Variants in ADAMTS4 observed in about 807,000 individuals in gnomAD.
ADAMTS4 encodes ADAM metallopeptidase with thrombospondin type 1 motif 4.
A neutral mutation model predicts 66.7 loss-of-function variants in ADAMTS4; 38 were observed. That is an observed-to-expected ratio of 0.57 (90% CI 0.44 to 0.75). The LOEUF is 0.75. ADAMTS4 is among the 30% of genes least tolerant of loss of function. The probability of loss-of-function intolerance (pLI) is 0.00; values close to 1 mark genes in which losing one functional copy is unlikely to be tolerated. For synonymous variants in ADAMTS4, 418 were observed against 461.5 expected, an observed-to-expected ratio of 0.91 and a Z score of 1.21; for missense variants, 1,014 against 1,116.7, an observed-to-expected ratio of 0.91 and a Z score of 1.31.
chr1:161,190,975 A>G lies in ADAMTS4; in HGVS notation c.*163T>C. The G allele has an allele frequency of 1.3e-6, 1 of 783,296 alleles. No individual in the cohort carries two copies. Among genetic ancestry groups the G allele is most frequent in the Non-Finnish European group, 1.9e-6 (1 of 522,388 alleles). The allele number at this position is 783,296 out of a possible 1,614,324, so 48.5% of individuals were successfully genotyped here. A position where few individuals can be genotyped will look rare whatever the true frequency, so the allele number is the denominator to read the frequency against. ...TCACTGCCTCCCAGGGCAGGAAACC[A>G]GGGCAGGGCCAGCCTGCGCATTAGG... On this transcript the variant is annotated 3_prime_UTR_variant, in exon 9 of 9. Transcript: ENST00000367996.
In ADAMTS4 at chr1:161,192,159, T is replaced by G. The variant is rs771753545; in HGVS notation, c.1993A>C (p.Ile665Leu). Reference sequence around the variant, plus strand: ...TCAAACTTCTTCTTGGAGCCAATGATGCGATCACAGCCAGCATGGATGCAT... The same window carrying G: ...TCAAACTTCTTCTTGGAGCCAATGAGGCGATCACAGCCAGCATGGATGCAT... ...GRCIHAGCDR[I>L]IGSKKKFDKC... The change falls in exon 8 of 9, where the codon ATC becomes CTC. Residue 665 changes from isoleucine (I) to leucine (L), a missense_variant. Transcript: ENST00000367996. 3.1e-6 allele frequency: 5 copies of G among 1,614,002 alleles called. No individual in the cohort carries two copies. Among genetic ancestry groups the G allele is most frequent in the Middle Eastern group, 1.6e-4 (1 of 6,084 alleles).
chr1:161,195,383 T>A (rs1229618894), intron 4 of ADAMTS4, 82 bp downstream of exon 4: 1 of 1,452,318 alleles, frequency 6.9e-7, no homozygotes, highest in Non-Finnish European at 9.3e-7. Flanking sequence ...ATTTGGTCCA[T>A]GCAGAATGCA....
At chr1:161,197,952 T>G (rs1188497191) in intron 1 of ADAMTS4, 43 bp downstream of exon 1, 1 of 1,520,714 alleles carries the variant, frequency 6.6e-7, no homozygotes, top group Non-Finnish European at 8.8e-7. Flanking sequence ...AGGACAGACA[T>G]GGCGGGAGGA....
chr1:161,194,576 A>G lies in ADAMTS4; in HGVS notation c.1262-355T>C, dbSNP rs998634151. On this transcript the variant is annotated intron_variant, in intron 4 of 8. Coordinates refer to ENST00000367996, the MANE Select transcript of ADAMTS4 (RefSeq NM_005099.6). The surrounding 1 kb of genome is among the most constrained non-coding windows in gnomAD (Gnocchi z 4.1). ...TAATTTTTTGGAATTTTTTGTAGTG[A>G]TAAGGTCTTGCTATGTTGTCCAGGC... 6.6e-6 allele frequency among the ~76,000 whole-genome samples: 1 copy of G among 152,004 alleles called. No individual in the cohort carries two copies. The highest frequency in any genetic ancestry group is 2.4e-5 in the African/African-American group (1 of 41,394).
At position 161,198,565 on chromosome 1, in the gene ADAMTS4, T is replaced by C. The variant is rs1277341157; in HGVS notation, c.63A>G (p.Gln21=). The change falls in exon 1 of 9, where the codon CAA becomes CAG. Residue 21 remains glutamine, a synonymous_variant. Transcript: ENST00000367996. The surrounding 1 kb of genome is among the most constrained non-coding windows in gnomAD (Gnocchi z 4.7). ...GLAGRWLWGA[Q]PCLLLPIVPL... is the part of the protein sequence containing the mutation. ...GCACAATGGGGAGCAGGAGGCAGGG[T>C]TGGGCTCCCCACAGCCAGCGCCCTG... 2 of 1,558,048 alleles carry C rather than the reference T, an allele frequency of 1.3e-6. No individual in the cohort carries two copies. Among genetic ancestry groups the C allele is most frequent in the Non-Finnish European group, 1.7e-6 (2 of 1,151,600 alleles).
At chr1:161,197,871 G>A (rs1664918482) in intron 1 of ADAMTS4, 124 bp downstream of exon 1, 26 of 1,403,172 alleles carry the variant, frequency 1.9e-5, no homozygotes, top group Non-Finnish European at 2.5e-5. Context: ...GAAAGGAAAG[G>A]CAGGCAGAAG....
Position 161,198,081 on chromosome 1 carries a change from G to A in ADAMTS4, c.547C>T (p.Arg183Trp), listed in dbSNP as rs376506791. Reference protein sequence around the residue: ...AGGPGAHILRRKSPASGQGPM... With the variant: ...AGGPGAHILRWKSPASGQGPM... ...CCTTGACCGCTGGCAGGACTCTTCC[G>A]GCGTAGGATGTGAGCCCCAGGTCCC... The change falls in exon 1 of 9, where the codon CGG becomes TGG. Residue 183 changes from arginine (R) to tryptophan (W), a missense_variant. Transcript: ENST00000367996. The surrounding 1 kb of genome is among the most constrained non-coding windows in gnomAD (Gnocchi z 4.7). 9.3e-6 allele frequency: 15 copies of A among 1,612,482 alleles called. No homozygotes were observed. Among genetic ancestry groups the A allele is most frequent in the African/African-American group, 1.3e-5 (1 of 74,866 alleles).
chr1:161,193,996 C>G lies in ADAMTS4; in HGVS notation c.1487G>C (p.Gly496Ala), dbSNP rs199775251. Reference sequence around the variant, plus strand: ...ACCACCCATGCAGGCCTGTGCGGGCCCGCAGGGTGTGCCATCGGCCCAGGG... The same window carrying G: ...ACCACCCATGCAGGCCTGTGCGGGCGCGCAGGGTGTGCCATCGGCCCAGGG... ...HSPWADGTPC[G>A]PAQACMGGRC... Residue 496 changes from glycine to alanine, a missense_variant, in exon 5 of 9, where the codon GGG (glycine) becomes GCG (alanine). By Grantham distance (60) the Gly-to-Ala change is moderately conservative. Transcript: ENST00000367996. This position sits in a 1 kb window ranked among gnomAD's most constrained non-coding sequence, Gnocchi z 4.4. The G allele has an allele frequency of 2.1e-4, 343 of 1,612,310 alleles. No homozygotes were observed. Among genetic ancestry groups the G allele is most frequent in the Non-Finnish European group, 2.8e-4 (331 of 1,178,966 alleles).
rs1664675072 is a variant in ADAMTS4, at chr1:161,191,367, C to G, written c.2285G>C (p.Ser762Thr). Residue 762 changes from serine to threonine, a missense_variant, in exon 9 of 9, where the codon AGC becomes ACC. Transcript: ENST00000367996. ...VLPGAVSLRY[S>T]GATAASETLS... ...TGTCTCTGAGGCTGCAGTGGCCCCG[C>G]TGTAGCGCAAGCTGACTGCCCCAGG... The G allele has an allele frequency of 6.2e-7, 1 of 1,613,936 alleles. No individual in the cohort carries two copies.
At position 161,196,674 on chromosome 1, in the gene ADAMTS4, T is replaced by C; in HGVS notation, c.840A>G (p.Gln280=). The C allele has an allele frequency of 6.2e-7, 1 of 1,613,892 alleles. No homozygotes were observed. Among genetic ancestry groups the C allele is most frequent in the Non-Finnish European group, 8.5e-7 (1 of 1,179,924 alleles). ...VILGSGEEGP[Q]VGPSAAQTLR... ...GGGTCTGGGCAGCACTGGGCCCCAC[T>C]TGGGGCCCCTCCTCGCCTGACCCCA... Residue 280 remains glutamine (Q), a synonymous_variant, in exon 2 of 9, where the codon CAA becomes CAG. Coordinates refer to ENST00000367996, the MANE Select transcript of ADAMTS4 (RefSeq NM_005099.6).
chr1:161,185,481 C>G lies in ADAMTS4; in HGVS notation c.*5657G>C, dbSNP rs1211246665. The G allele has an allele frequency of 1.3e-5, 2 of 151,846 alleles. No homozygotes were observed. The highest frequency in any genetic ancestry group is 3.9e-4 in the East Asian group (2 of 5,172). 9.4% of individuals were successfully genotyped at this position (151,846 alleles called of 1,614,324 possible). ...CCTCTTTCTGAGCATTTTTAGCACT[C>G]GTGGTTTCCTCCAGCTGTCATCTGG... On this transcript the variant is annotated 3_prime_UTR_variant, in exon 9 of 9. Transcript: ENST00000367996.
In ADAMTS4 at chr1:161,193,777, G is replaced by A; in HGVS notation, c.1598C>T (p.Ser533Phe). 3.7e-6 allele frequency: 6 copies of A among 1,613,652 alleles called. No homozygotes were observed. The highest frequency in any genetic ancestry group is 5.1e-6 in the Non-Finnish European group (6 of 1,179,754). ...WGPWGPWGDC[S>F]RTCGGGVQFS... is the part of the protein sequence containing the mutation. ...CTGGACACCACCCCCACAGGTCCGA[G>A]AGCAGTCACCCCATGGTCCCCAAGG... Residue 533 changes from serine (S) to phenylalanine (F), a missense_variant, in exon 6 of 9, where the codon TCT becomes TTT. Ser to Phe is a radical substitution (Grantham distance 155). Transcript: ENST00000367996. The surrounding 1 kb of genome is among the most constrained non-coding windows in gnomAD (Gnocchi z 4.4).
chr1:161,191,325 G>A lies in ADAMTS4; in HGVS notation c.2327C>T (p.Pro776Leu), dbSNP rs1369336339. The A allele has an allele frequency of 1.9e-6, 3 of 1,613,994 alleles. No individual in the cohort carries two copies. Among genetic ancestry groups the A allele is most frequent in the Admixed American group, 1.7e-5 (1 of 60,036 alleles). ...AASETLSGHG[P>L]LAQPLTLQVL... ...TTGCAGTGTCAAAGGCTGGGCCAGT[G>A]GCCCATGGCCTGACAGTGTCTCTGA... The change falls in exon 9 of 9, where the codon CCA becomes CTA. Residue 776 changes from proline (P) to leucine (L), a missense_variant. Coordinates refer to ENST00000367996, the MANE Select transcript of ADAMTS4 (RefSeq NM_005099.6).
At chr1:161,197,476 G>A (rs1664894856) in intron 1 of ADAMTS4, 1 of 159,306 alleles carries the variant, frequency 6.3e-6, no homozygotes, top group African/African-American at 2.4e-5. Context: ...GAAGGGGATT[G>A]ACCAGAAGGA....
chr1:161,196,712 G>A lies in ADAMTS4; in HGVS notation c.802C>T (p.Arg268Trp), dbSNP rs1350145239. ...TCGCCTGACCCCAGGATCACTAGCC[G>A]AGTCACCACCAAGCTGACAGGATTG... The part of the protein sequence containing the change: ...IRNPVSLVVT[R>W]LVILGSGEEG... The change falls in exon 2 of 9, where the codon CGG becomes TGG. Residue 268 changes from arginine to tryptophan, a missense_variant. Coordinates refer to ENST00000367996, the MANE Select transcript of ADAMTS4 (RefSeq NM_005099.6). 3.1e-6 allele frequency: 5 copies of A among 1,613,804 alleles called. No homozygotes were observed. In the Admixed American group the frequency reaches 5.0e-5, roughly 16 times the overall value.
At position 161,198,036 on chromosome 1, in the gene ADAMTS4, C is replaced by T. The variant is rs745469545; in HGVS notation, c.592G>A (p.Ala198Thr). Residue 198 changes from alanine (A) to threonine (T), a missense_variant, in exon 1 of 9, where the codon GCT becomes ACT. Transcript: ENST00000367996. This position sits in a 1 kb window ranked among gnomAD's most constrained non-coding sequence, Gnocchi z 4.7. ...SGQGPMCNVK[A>T]PLGSPSPRPR... The stretch of plus-strand genomic sequence containing the variant: ...CTGGGGCTGGGGCTTCCAAGAGGAG[C>T]CTTGACGTTGCACATGGGACCTTGA... The T allele has an allele frequency of 9.4e-6, 15 of 1,592,250 alleles. No homozygotes were observed. Among genetic ancestry groups the T allele is most frequent in the South Asian group, 7.9e-5 (7 of 88,052 alleles).
Position 161,193,879 on chromosome 1 carries a change from A to G in ADAMTS4, c.1549-53T>C. On this transcript the variant is annotated intron_variant, in intron 5 of 8. Transcript: ENST00000367996. This position sits in a 1 kb window ranked among gnomAD's most constrained non-coding sequence, Gnocchi z 4.4. ...CATAAGTGAACTCTCTCCTGGGCTTAAGGCCAGTCCCCACACCCCCGGGCC... is the reference window on the plus strand; with the variant it reads ...CATAAGTGAACTCTCTCCTGGGCTTGAGGCCAGTCCCCACACCCCCGGGCC... The G allele has an allele frequency of 6.4e-7, 1 of 1,565,950 alleles. No homozygotes were observed. The highest frequency in any genetic ancestry group is 8.7e-7 in the Non-Finnish European group (1 of 1,153,656).
At chr1:161,196,360 G>A in intron 2 of ADAMTS4, 57 bp from the exon 3 acceptor site, 1 of 1,552,732 alleles carries the variant, frequency 6.4e-7, no homozygotes, top group South Asian at 1.2e-5. Context: ...GGTCCATTGG[G>A]TTGAGATCCA....
At position 161,198,629 on chromosome 1, in the gene ADAMTS4, G is replaced by A. The variant is rs759911058; in HGVS notation, c.-2C>T. 8.0e-6 allele frequency: 12 copies of A among 1,506,932 alleles called. No individual in the cohort carries two copies. Among genetic ancestry groups the A allele is most frequent in the Non-Finnish European group, 8.9e-6 (10 of 1,124,162 alleles). The allele number at this position is 1,506,932 out of a possible 1,614,324, so 93.3% of individuals were successfully genotyped here. On this transcript the variant is annotated 5_prime_UTR_variant, in exon 1 of 9. Transcript: ENST00000367996. This position sits in a 1 kb window ranked among gnomAD's most constrained non-coding sequence, Gnocchi z 4.7. ...GGGATGCGAGCCTGTCTGGGACATG[G>A]CACTGGTACTGCAGCTGGGAGGGAC...
Sources: allele counts gnomAD v4.1 joint callset (sites outside exome capture counted in the v4.1 genomes callset), GRCh38; gene constraint gnomAD v4.1.1; non-coding constraint Gnocchi (gnomAD v3.1); transcripts MANE v1.5; gene names NCBI Gene and HGNC (gene_info 2026-07-23, HGNC 2026-07-21).